The following BTBD7 variants were observed in gnomAD, a reference collection of about 807,000 sequenced individuals.
BTBD7 encodes the protein BTB/POZ domain-containing protein 7.
Under a neutral mutation model 99.9 loss-of-function variants are expected in BTBD7, and 38 were observed. The observed-to-expected ratio is 0.38, with a 90% CI of 0.29 to 0.50. The LOEUF (loss-of-function observed/expected upper bound fraction) is 0.50. BTBD7 is among the 20% of genes least tolerant of loss of function. The pLI is 0.93. For synonymous variants in BTBD7, 520 were observed against 511.4 expected (o/e 1.02, Z -0.23); for missense variants, 1,170 against 1,394.6 (o/e 0.84, Z 2.57).
At chr14:93,331,665 G>A (rs1435013301) in intron 1 of BTBD7, among the ~76,000 whole-genome samples, 1 of 152,206 alleles carries the variant, frequency 6.6e-6, no homozygotes, top group Non-Finnish European at 1.5e-5. Context: ...CGGATCACCA[G>A]AGGTCAGGAG....
At chr14:93,254,811 T>C (rs2052411378) in intron 6 of BTBD7, among the ~76,000 whole-genome samples, 2 of 152,196 alleles carry the variant, frequency 1.3e-5, no homozygotes, top group African/African-American at 4.8e-5. Flanking sequence ...TAAGAGAGCA[T>C]GAAAGTTAAG....
Position 93,242,691 on chromosome 14 carries a change from G to T in BTBD7, c.2981C>A (p.Pro994His), listed in dbSNP as rs777620490. The T allele has an allele frequency of 3.7e-6, 6 of 1,614,162 alleles. No homozygotes were observed. Among genetic ancestry groups the T allele is most frequent in the Non-Finnish European group, 4.2e-6 (5 of 1,180,036 alleles). ...CTGTTTTTTAGGAGACGTCTGACCA[G>T]GTAGGTAGGCTGACTTTAAGCCACT... is the stretch of plus-strand genomic sequence containing the variant. ...SPSGLKSAYLPGQTSPKKQEE... is the reference protein window; with the variant it reads ...SPSGLKSAYLHGQTSPKKQEE... Residue 994 changes from proline to histidine, a missense_variant, in exon 11 of 11, where the codon CCT (proline) becomes CAT (histidine). By Grantham distance (77) the Pro-to-His change is moderately conservative. This residue lies in a region of BTBD7 where 495 missense variants were observed against 525.9 expected (regional missense o/e 0.94). Coordinates refer to ENST00000334746, the MANE Select transcript of BTBD7 (RefSeq NM_001002860.4).
In BTBD7 at chr14:93,318,419, T is replaced by A. The variant is rs919528567; in HGVS notation, c.-107+14401A>T. 3.3e-5 allele frequency among the ~76,000 whole-genome samples: 5 copies of A among 152,336 alleles called. No homozygotes were observed. The East Asian group carries it at 9.6e-4, about 29-fold the overall frequency. ...TGTCAGCTTTAAAATAATGTTTTTT[T>A]AAGTTAGATTTATTTAATGTACTTT... On this transcript the variant is annotated intron_variant, in intron 1 of 10. Transcript: ENST00000334746.
Position 93,269,700 on chromosome 14 carries a change from A to G in BTBD7, c.1163-5707T>C, listed in dbSNP as rs2052580881. Among the ~76,000 whole-genome samples, 2 of 152,170 alleles carry G rather than the reference A, an allele frequency of 1.3e-5. 1 individual carries two copies. Among genetic ancestry groups the G allele is most frequent in the South Asian group, 4.1e-4 (2 of 4,832 alleles). On this transcript the variant is annotated intron_variant, in intron 3 of 10. Transcript: ENST00000334746. ...AAAACACCGCTTGAATATTGTGGCA[A>G]TTGTTTAGTTTCTAAATGCTTGTTG...
intron 3 of BTBD7, among the ~76,000 whole-genome samples, chr14:93,292,662 T>C (rs2052872655): frequency 6.6e-6 from 1 of 152,294 alleles, no homozygotes; most frequent in South Asian, 2.1e-4. Context: ...TTTTAAAAAA[T>C]ACAGCTGAGT....
chr14:93,331,326 C>G (rs889667601), intron 1 of BTBD7, among the ~76,000 whole-genome samples: 1 of 152,094 alleles, frequency 6.6e-6, no homozygotes, highest in Non-Finnish European at 1.5e-5. Context: ...TAGTTTTGGT[C>G]TAATCCATCG....
At position 93,246,190 on chromosome 14, in the gene BTBD7, G is replaced by A. The variant is rs1326566594; in HGVS notation, c.2218C>T (p.Pro740Ser). Reference protein sequence around the residue: ...PGRCRVNSTPPAETMFTDLDS... With the variant: ...PGRCRVNSTPSAETMFTDLDS... The stretch of plus-strand genomic sequence containing the variant: ...AGATCTGTAAACATGGTTTCTGCAG[G>A]AGGTGTACTGTTTACGCGACATCTC... Residue 740 changes from proline to serine, a missense_variant, in exon 10 of 11, where the codon CCT (proline) becomes TCT (serine). Physicochemically the swap from Pro to Ser is moderately conservative, Grantham distance 74. This residue lies in a region of BTBD7 where 495 missense variants were observed against 525.9 expected (regional missense o/e 0.94). Transcript: ENST00000334746. 2 of 1,613,168 alleles carry A rather than the reference G, an allele frequency of 1.2e-6. No homozygotes were observed. Among genetic ancestry groups the A allele is most frequent in the South Asian group, 1.1e-5 (1 of 90,980 alleles).
intron 3 of BTBD7, among the ~76,000 whole-genome samples, chr14:93,275,571 T>C (rs978235523): frequency 3.3e-5 from 5 of 152,208 alleles, no homozygotes; most frequent in Non-Finnish European, 7.3e-5. Flanking sequence ...GAGAAAAGCA[T>C]TGTTAGGCAA....
chr14:93,259,795 G>A (rs775290536), intron 5 of BTBD7, among the ~76,000 whole-genome samples: 30 of 152,204 alleles, frequency 2.0e-4, no homozygotes, highest in Non-Finnish European at 2.8e-4. Flanking sequence ...TTAGCCACGC[G>A]TGGTGGCACG....
intron 1 of BTBD7, among the ~76,000 whole-genome samples, chr14:93,317,652 A>C (rs8004571): frequency 6.6e-6 from 1 of 152,044 alleles, no homozygotes; most frequent in Non-Finnish European, 1.5e-5. Flanking sequence ...AGCAGGCCTA[A>C]GACTGCTATC....
At chr14:93,248,045 C>G (rs1251911447) in intron 9 of BTBD7, among the ~76,000 whole-genome samples, 2 of 152,200 alleles carry the variant, frequency 1.3e-5, no homozygotes, top group Non-Finnish European at 2.9e-5. Flanking sequence ...GAAGTTCAGA[C>G]TTTTCTACTT....
At chr14:93,258,563 T>TG (rs2052455379) in intron 5 of BTBD7, among the ~76,000 whole-genome samples, 1 of 152,052 alleles carries the variant, frequency 6.6e-6, no homozygotes, top group African/African-American at 2.4e-5. Flanking sequence ...TAACCCAGTG[T>TG]GGAAACTACC....
chr14:93,248,750 A>G, intron 8 of BTBD7, 96 bp from the exon 9 acceptor site: 1 of 1,117,750 alleles, frequency 8.9e-7, no homozygotes, highest in Non-Finnish European at 1.2e-6. Flanking sequence ...TTCATACCAG[A>G]ATCTTATAAG....
At chr14:93,300,743 TGTGTGTG>T (rs2052989146) in intron 1 of BTBD7, among the ~76,000 whole-genome samples, 2 of 92,328 alleles carry the variant, frequency 2.2e-5, no homozygotes, top group East Asian at 6.0e-4. Context: ...TGTGTGTGTG[TGTGTGTG>T]TGTGTGTGTG....
At chr14:93,319,644 G>A (rs915739570) in intron 1 of BTBD7, among the ~76,000 whole-genome samples, 7 of 152,178 alleles carry the variant, frequency 4.6e-5, no homozygotes, top group Non-Finnish European at 1.0e-4. Flanking sequence ...GGAGTTGTCA[G>A]GGGCTGGGGG....
At chr14:93,279,751 T>C (rs1484176611) in intron 3 of BTBD7, among the ~76,000 whole-genome samples, 1 of 152,178 alleles carries the variant, frequency 6.6e-6, no homozygotes, top group Non-Finnish European at 1.5e-5. Context: ...TTTCACCATG[T>C]TGGCCAGACT....
intron 1 of BTBD7, among the ~76,000 whole-genome samples, chr14:93,315,520 T>C (rs2053190515): frequency 6.6e-6 from 1 of 152,208 alleles, no homozygotes; most frequent in Non-Finnish European, 1.5e-5. Context: ...GGTTCTGACA[T>C]GTAGAACATT....
At chr14:93,270,678 G>A (rs2052592304) in intron 3 of BTBD7, among the ~76,000 whole-genome samples, 1 of 149,046 alleles carries the variant, frequency 6.7e-6, no homozygotes, top group Non-Finnish European at 1.5e-5. Context: ...CTGGGCAACA[G>A]AGCGAGACTC....
At chr14:93,308,287 C>CAAAAAAAA (rs869127588) in intron 1 of BTBD7, among the ~76,000 whole-genome samples, 10 of 74,942 alleles carry the variant, frequency 1.3e-4, no homozygotes, top group Admixed American at 3.1e-4. Flanking sequence ...ACTCGGTCTC[C>CAAAAAAAA]AAAAAAAAAA....
Sources: allele counts gnomAD v4.1 joint callset (sites outside exome capture counted in the v4.1 genomes callset), GRCh38; gene constraint gnomAD v4.1.1; regional missense constraint gnomAD v4.1.1; transcripts MANE v1.5; gene names NCBI Gene and HGNC (gene_info 2026-07-23, HGNC 2026-07-21).